The following SLC35F4 variants were observed in gnomAD, a reference collection of about 807,000 sequenced individuals.
The protein encoded by SLC35F4 is chromosome 14 open reading frame 36.
Under a neutral mutation model 44.2 loss-of-function variants are expected in SLC35F4, and 24 were observed. The ratio of observed to expected loss-of-function variants is 0.54; its 90% CI spans 0.39 to 0.76. The LOEUF is 0.76. Among genes scored for constraint, SLC35F4 ranks in the 30% least tolerant of loss-of-function variants. The probability of loss-of-function intolerance (pLI) is 0.00; values close to 1 mark genes in which losing one functional copy is unlikely to be tolerated. For missense variants in SLC35F4, 562 were observed against 586.1 expected, an observed-to-expected ratio of 0.96 and a Z score of 0.42; for synonymous variants, 238 against 223.6, an observed-to-expected ratio of 1.06 and a Z score of -0.57.
At chr14:57,732,487 T>C (rs2076366272) in intron 1 of SLC35F4, among the ~76,000 whole-genome samples, 2 of 152,208 alleles carry the variant, frequency 1.3e-5, no homozygotes, top group South Asian at 4.1e-4. Context: ...ACAAGCTAAA[T>C]GTTCAATCAT....
At chr14:57,843,972 G>A (rs1885747892) in intron 1 of SLC35F4, among the ~76,000 whole-genome samples, 1 of 152,016 alleles carries the variant, frequency 6.6e-6, no homozygotes, top group South Asian at 2.1e-4. Flanking sequence ...ACATGAACAT[G>A]TACTCGTCAC....
At chr14:57,668,971 G>C (rs1156442615) in intron 1 of SLC35F4, among the ~76,000 whole-genome samples, 2 of 152,068 alleles carry the variant, frequency 1.3e-5, no homozygotes, top group Middle Eastern at 3.2e-3. Flanking sequence ...AGCATGGAAT[G>C]TTCTTCCATT....
intron 1 of SLC35F4, among the ~76,000 whole-genome samples, chr14:57,600,463 T>C (rs11851484): frequency 0.87 from 128,978 of 147,558 alleles, 56,421 homozygotes; most frequent in Non-Finnish European, 0.9. Flanking sequence ...GAGGCCAAGG[T>C]GGGCGGATCA....
At chr14:57,775,209 G>C (rs2077459457) in intron 1 of SLC35F4, among the ~76,000 whole-genome samples, 1 of 152,236 alleles carries the variant, frequency 6.6e-6, no homozygotes. Flanking sequence ...CCCAAGCCAT[G>C]CTACCACCAC....
Position 57,964,989 on chromosome 14 carries a change from A to ATATAT in SLC35F4, n.282+16923_282+16924insATATA, listed in dbSNP as rs1351434287. On this transcript the variant is annotated intron_variant and non_coding_transcript_variant, in intron 1 of 1. Transcript: ENST00000556568. ...TCCCATGGGGGAAAAAAAAAAAAAAAAAATATATATATATATATATATAGT... is the reference window on the plus strand; with the variant it reads ...TCCCATGGGGGAAAAAAAAAAAAAAATATATAAATATATATATATATATATATAGT... 1.7e-3 allele frequency among the ~76,000 whole-genome samples: 214 copies of ATATAT among 127,854 alleles called. 1 individual carries two copies. The highest frequency in any genetic ancestry group is 4.3e-3 in the Admixed American group (57 of 13,136). The allele number at this position is 127,854 out of a possible 152,430, so 83.9% of individuals were successfully genotyped here.
intron 1 of SLC35F4, among the ~76,000 whole-genome samples, chr14:57,812,756 T>C (rs990918398): frequency 1.3e-5 from 2 of 152,022 alleles, no homozygotes; most frequent in African/African-American, 4.8e-5. Flanking sequence ...ACTAGAACCA[T>C]GTAAGAGCAA....
intron 1 of SLC35F4, among the ~76,000 whole-genome samples, chr14:57,864,913 G>A (rs948200698): frequency 2.0e-5 from 3 of 152,168 alleles, no homozygotes; most frequent in Non-Finnish European, 2.9e-5. Flanking sequence ...GGGGGACTGC[G>A]AGCAGAGCAC....
At chr14:57,687,066 A>T (rs564249418) in intron 1 of SLC35F4, among the ~76,000 whole-genome samples, 76 of 152,310 alleles carry the variant, frequency 5.0e-4, no homozygotes, top group African/African-American at 1.7e-3. Context: ...AGACACAGTG[A>T]GAAGGTTGCC....
intron 1 of SLC35F4, among the ~76,000 whole-genome samples, chr14:57,613,671 T>C (rs942913850): frequency 6.6e-6 from 1 of 152,228 alleles, no homozygotes; most frequent in Non-Finnish European, 1.5e-5. Flanking sequence ...CTTTTGAAAA[T>C]ACAGCTTGAC....
chr14:57,917,570 T>A (rs538588149), intron 1 of SLC35F4, among the ~76,000 whole-genome samples: 69 of 152,156 alleles, frequency 4.5e-4, no homozygotes, highest in Non-Finnish European at 9.6e-4. Context: ...CATGATGAAC[T>A]GAGAAAAAAG....
chr14:57,939,192 G>C (rs374570128), intron 1 of SLC35F4, among the ~76,000 whole-genome samples: 1 of 152,172 alleles, frequency 6.6e-6, no homozygotes, highest in East Asian at 1.9e-4. Flanking sequence ...GTTTGGTAAG[G>C]TTCCACAATA....
intron 1 of SLC35F4, among the ~76,000 whole-genome samples, chr14:57,616,655 C>T (rs1329365622): frequency 1.3e-5 from 2 of 152,194 alleles, no homozygotes; most frequent in African/African-American, 4.8e-5. Context: ...TCTACTGTCT[C>T]CATCACTGCC....
chr14:57,948,367 T>C (rs1214513830), intron 1 of SLC35F4, among the ~76,000 whole-genome samples: 1 of 152,138 alleles, frequency 6.6e-6, no homozygotes, highest in African/African-American at 2.4e-5. Flanking sequence ...TTCTGTGGTA[T>C]CAGCTGTAAT....
At chr14:57,705,855 T>G (rs1447514272) in intron 1 of SLC35F4, among the ~76,000 whole-genome samples, 1 of 152,204 alleles carries the variant, frequency 6.6e-6, no homozygotes, top group East Asian at 1.9e-4. Context: ...TATAGATGTT[T>G]CCTCGAAGTT....
At chr14:57,942,213 T>G (rs1346284189) in intron 1 of SLC35F4, among the ~76,000 whole-genome samples, 1 of 152,222 alleles carries the variant, frequency 6.6e-6, no homozygotes, top group African/African-American at 2.4e-5. Context: ...TCCAGCTTAA[T>G]GTTGAGCCCC....
At chr14:57,682,865 A>G (rs1044690516) in intron 1 of SLC35F4, among the ~76,000 whole-genome samples, 3 of 152,122 alleles carry the variant, frequency 2.0e-5, no homozygotes, top group African/African-American at 4.8e-5. Context: ...AATAATATCT[A>G]TTAAATTAAT....
At chr14:57,933,661 T>C (rs146515122) in intron 1 of SLC35F4, among the ~76,000 whole-genome samples, 1 of 152,152 alleles carries the variant, frequency 6.6e-6, no homozygotes, top group Non-Finnish European at 1.5e-5. Context: ...CTGGCTGTCA[T>C]CTCCTCATTG....
At chr14:57,706,375 G>A (rs2075676751) in intron 1 of SLC35F4, among the ~76,000 whole-genome samples, 1 of 152,132 alleles carries the variant, frequency 6.6e-6, no homozygotes, top group Non-Finnish European at 1.5e-5. Context: ...TCAAAAATTG[G>A]ACATGTTTCT....
intron 1 of SLC35F4, among the ~76,000 whole-genome samples, chr14:57,681,073 A>G (rs1396191980): frequency 1.3e-5 from 2 of 152,062 alleles, no homozygotes; most frequent in Non-Finnish European, 2.9e-5. Context: ...AGACAATCCT[A>G]AGCAAAAAGA....
Sources: allele counts gnomAD v4.1 joint callset (sites outside exome capture counted in the v4.1 genomes callset), GRCh38; gene constraint gnomAD v4.1.1; transcripts MANE v1.5; gene names NCBI Gene and HGNC (gene_info 2026-07-23, HGNC 2026-07-21).